MAP4K3: variants seen among roughly 807,000 people sequenced by gnomAD.
MAP4K3 encodes the protein MAPK/ERK kinase kinase kinase 3.
Under a neutral mutation model 143.5 loss-of-function variants are expected in MAP4K3, and 94 were observed. The observed-to-expected ratio is 0.65, with a 90% CI of 0.55 to 0.78. The LOEUF is 0.78. Ranked by LOEUF, MAP4K3 falls within the 30% of genes least tolerant of loss-of-function variation. The pLI is 0.00. For missense variants in MAP4K3, 1,077 were observed against 1,068.1 expected (o/e 1.01, Z -0.12); for synonymous variants, 416 against 347.2 (o/e 1.20, Z -2.20).
chr2:39,374,419 C>CGAA (rs1666164133), intron 2 of MAP4K3, among the ~76,000 whole-genome samples: 1 of 152,040 alleles, frequency 6.6e-6, no homozygotes, highest in African/African-American at 2.4e-5. Context: ...CGGTGGTTCA[C>CGAA]GCTTGTTAAC....
At chr2:39,286,142 G>T (rs776685503) in intron 21 of MAP4K3, among the ~76,000 whole-genome samples, 1 of 152,202 alleles carries the variant, frequency 6.6e-6, no homozygotes, top group Non-Finnish European at 1.5e-5. Flanking sequence ...GGGGTTGAAG[G>T]GGAGGGATGT....
At position 39,258,591 on chromosome 2, in the gene MAP4K3, C is replaced by G. The variant is rs774855097; in HGVS notation, c.2309-4G>C. The stretch of plus-strand genomic sequence containing the variant: ...GTAACATTTGTCTGTGGGGTATCTA[C>G]AATACAAACAAATTTTGGTAAACCT... On this transcript the variant is annotated splice_region_variant and splice_polypyrimidine_tract_variant and intron_variant, in intron 29 of 33. Coordinates refer to ENST00000263881, the MANE Select transcript of MAP4K3 (RefSeq NM_003618.4). 2 of 1,608,188 alleles carry G rather than the reference C, an allele frequency of 1.2e-6. No homozygotes were observed. The highest frequency in any genetic ancestry group is 2.7e-5 in the African/African-American group (2 of 74,750).
intron 3 of MAP4K3, among the ~76,000 whole-genome samples, chr2:39,355,152 CAGG>C (rs1665573449): frequency 6.6e-6 from 1 of 152,116 alleles, no homozygotes; most frequent in South Asian, 2.1e-4. Context: ...ATCACGAGGT[CAGG>C]AGATCAAGAC....
At chr2:39,295,735 T>G (rs1435894202) in intron 16 of MAP4K3, among the ~76,000 whole-genome samples, 1 of 113,614 alleles carries the variant, frequency 8.8e-6, no homozygotes, top group Non-Finnish European at 2.0e-5. Context: ...TTTTTTTTTT[T>G]GAGATGGAGT....
intron 1 of MAP4K3, among the ~76,000 whole-genome samples, chr2:39,409,474 G>A (rs987675574): frequency 6.6e-6 from 1 of 152,134 alleles, no homozygotes; most frequent in African/African-American, 2.4e-5. Context: ...CCAGCTTATA[G>A]TCCCAGCTAC....
intron 2 of MAP4K3, among the ~76,000 whole-genome samples, chr2:39,377,258 A>AT (rs1299459611): frequency 7.7e-6 from 1 of 129,076 alleles, no homozygotes; most frequent in Non-Finnish European, 1.6e-5. Context: ...CTCTGAATGG[A>AT]TTTCTGTTCA....
At chr2:39,312,035 G>A (rs1682956557) in intron 13 of MAP4K3, among the ~76,000 whole-genome samples, 1 of 152,122 alleles carries the variant, frequency 6.6e-6, no homozygotes. Context: ...CATGGTTAAT[G>A]ACAATAATAT....
intron 3 of MAP4K3, among the ~76,000 whole-genome samples, chr2:39,345,461 A>T (rs1373782565): frequency 6.6e-6 from 1 of 152,180 alleles, no homozygotes; most frequent in East Asian, 1.9e-4. Context: ...GCCATAGGTC[A>T]CATATGGTTG....
chr2:39,266,620 C>A (rs970542163), intron 27 of MAP4K3, among the ~76,000 whole-genome samples: 13 of 152,010 alleles, frequency 8.6e-5, no homozygotes, highest in African/African-American at 2.9e-4. Context: ...TTCAGTGAGC[C>A]TATGTTTAGA....
At position 39,326,202 on chromosome 2, in the gene MAP4K3, G is replaced by A. The variant is rs984249677; in HGVS notation, c.606C>T (p.Ile202=). 2 of 1,613,866 alleles carry A rather than the reference G, an allele frequency of 1.2e-6. No homozygotes were observed. Among genetic ancestry groups the A allele is most frequent in the Non-Finnish European group, 1.7e-6 (2 of 1,179,960 alleles). Residue 202 remains isoleucine (I), a synonymous_variant, in exon 9 of 34, where the codon ATC becomes ATT. Coordinates refer to ENST00000263881, the MANE Select transcript of MAP4K3 (RefSeq NM_003618.4). ...NQLCDLWAVG[I]TAIELAELQP... Reference sequence around the variant, plus strand: ...GAAGCTCTGCAAGTTCTATGGCAGTGATTCCCACTGCCCAGAGATCACAGA... The same window carrying A: ...GAAGCTCTGCAAGTTCTATGGCAGTAATTCCCACTGCCCAGAGATCACAGA...
chr2:39,413,391 G>T (rs1667282771), intron 1 of MAP4K3, among the ~76,000 whole-genome samples: 1 of 152,114 alleles, frequency 6.6e-6, no homozygotes, highest in South Asian at 2.1e-4. Context: ...ATGAGGAAAG[G>T]GGGCAATTAA....
At chr2:39,353,727 T>A (rs754693389) in intron 3 of MAP4K3, among the ~76,000 whole-genome samples, 1 of 151,486 alleles carries the variant, frequency 6.6e-6, no homozygotes, top group Non-Finnish European at 1.5e-5. Context: ...AGTTAAGAAG[T>A]AGTAGTAGTA....
In MAP4K3 at chr2:39,267,214, G is replaced by T; in HGVS notation, c.2007C>A (p.Thr669=). The T allele has an allele frequency of 6.2e-7, 1 of 1,613,970 alleles. No individual in the cohort carries two copies. The highest frequency in any genetic ancestry group is 1.1e-5 in the South Asian group (1 of 91,066). ...CAACACAACACTTCTGGCACCATTT[G>T]GTTTCAGGGATTTTTGCTGATACAG... ...KFSVSAKIPE[T]KWCQKCCVVR... is the part of the protein sequence containing the mutation. Residue 669 remains threonine (T), a synonymous_variant, in exon 27 of 34, where the codon ACC becomes ACA. Coordinates refer to ENST00000263881, the MANE Select transcript of MAP4K3 (RefSeq NM_003618.4).
In MAP4K3 at chr2:39,280,570, T is replaced by G. The variant is rs575258995; in HGVS notation, c.1630-214A>C. ...TTTCCAGGTGCCACAATAATTTTAC[T>G]TGGAAAAAAGAGAAAAAAAAAAGGT... On this transcript the variant is annotated intron_variant, in intron 22 of 33. Transcript: ENST00000263881. 2.0e-5 allele frequency among the ~76,000 whole-genome samples: 3 copies of G among 152,078 alleles called. No homozygotes were observed. The East Asian group carries it at 5.8e-4, about 29-fold the overall frequency.
chr2:39,319,834 C>T (rs890638692), intron 12 of MAP4K3, among the ~76,000 whole-genome samples: 2 of 152,176 alleles, frequency 1.3e-5, no homozygotes, highest in Non-Finnish European at 2.9e-5. Context: ...TTACATGAAT[C>T]TTAAGGCTAA....
At chr2:39,430,018 G>A (rs1199262007) in intron 1 of MAP4K3, among the ~76,000 whole-genome samples, 3 of 152,174 alleles carry the variant, frequency 2.0e-5, no homozygotes, top group African/African-American at 7.2e-5. Context: ...CAATAATTGT[G>A]GGTGGGTGGT....
chr2:39,298,459 T>C (rs1682373265), intron 16 of MAP4K3, among the ~76,000 whole-genome samples: 1 of 152,170 alleles, frequency 6.6e-6, no homozygotes, highest in Non-Finnish European at 1.5e-5. Context: ...CAGATTGTTA[T>C]TAAAGCCTTT....
intron 13 of MAP4K3, among the ~76,000 whole-genome samples, chr2:39,313,207 T>G (rs1387396242): frequency 6.6e-6 from 1 of 152,234 alleles, no homozygotes; most frequent in Non-Finnish European, 1.5e-5. Context: ...TGATGCTCTT[T>G]TTTATTTTTA....
At chr2:39,375,275 C>CT (rs1279495679) in intron 2 of MAP4K3, among the ~76,000 whole-genome samples, 1 of 152,066 alleles carries the variant, frequency 6.6e-6, no homozygotes, top group East Asian at 1.9e-4. Flanking sequence ...ACACACCCCT[C>CT]TACCTTAGAA....
Sources: gnomAD v4.1 joint callset for allele counts (sites outside exome capture counted in the v4.1 genomes callset) on GRCh38, gnomAD v4.1.1 for gene constraint, MANE v1.5 for transcripts, NCBI Gene and HGNC (gene_info 2026-07-23, HGNC 2026-07-21) for gene names.